ARHGAP42: variants seen among roughly 807,000 people sequenced by gnomAD.
The protein encoded by ARHGAP42 is Rho GTPase activating protein 42, also known as rho GTPase-activating protein 42.
ARHGAP42 carries 63 observed loss-of-function variants against 125.0 expected under a neutral mutation model. That is an observed-to-expected ratio of 0.50 (90% CI 0.41 to 0.62). The LOEUF is 0.62. Ranked by LOEUF, ARHGAP42 falls within the 20% of genes least tolerant of loss-of-function variation. The pLI is 0.00. For synonymous variants in ARHGAP42, 339 were observed against 351.0 expected, an observed-to-expected ratio of 0.97 and a Z score of 0.38; for missense variants, 766 against 1,024.2, an observed-to-expected ratio of 0.75 and a Z score of 3.44.
chr11:100,792,703 A>G (rs1486237228), intron 2 of ARHGAP42, among the ~76,000 whole-genome samples: 1 of 149,194 alleles, frequency 6.7e-6, no homozygotes, highest in Admixed American at 6.7e-5. Flanking sequence ...TGATTGTGTT[A>G]TTTGTATAAT....
chr11:100,885,906 G>A (rs1866081918), intron 4 of ARHGAP42, among the ~76,000 whole-genome samples: 1 of 152,148 alleles, frequency 6.6e-6, no homozygotes, highest in Non-Finnish European at 1.5e-5. Context: ...AGAACTAAGT[G>A]CTGTGGGAAA....
At chr11:100,903,064 C>G (rs985142466) in intron 4 of ARHGAP42, among the ~76,000 whole-genome samples, 1 of 147,372 alleles carries the variant, frequency 6.8e-6, no homozygotes, top group Non-Finnish European at 1.5e-5. Context: ...TTGTATTTAC[C>G]TTCCTTCCTT....
At chr11:100,807,940 G>A (rs533523689) in intron 3 of ARHGAP42, among the ~76,000 whole-genome samples, 4 of 152,264 alleles carry the variant, frequency 2.6e-5, no homozygotes, top group African/African-American at 9.6e-5. Context: ...ATGTTTTGAT[G>A]TTCTTCTTTG....
chr11:100,866,694 T>C (rs117561762), intron 4 of ARHGAP42, among the ~76,000 whole-genome samples: 5,047 of 152,192 alleles, frequency 0.033, 127 homozygotes, highest in Non-Finnish European at 0.05. Context: ...CCAGATCCCA[T>C]GAGAGCTCAC....
intron 3 of ARHGAP42, among the ~76,000 whole-genome samples, chr11:100,842,958 A>T (rs926721849): frequency 6.6e-6 from 1 of 152,154 alleles, no homozygotes; most frequent in Non-Finnish European, 1.5e-5. Context: ...AGAAGAAAAT[A>T]ACCAAGATCA....
intron 22 of ARHGAP42, 57 bp downstream of exon 22, chr11:100,979,106 G>A: frequency 6.7e-7 from 1 of 1,496,922 alleles, no homozygotes; most frequent in Non-Finnish European, 9.1e-7. Context: ...TTGTTGCTTT[G>A]TATTGACATG....
intron 3 of ARHGAP42, among the ~76,000 whole-genome samples, chr11:100,806,742 T>C (rs1463141681): frequency 6.6e-6 from 1 of 152,230 alleles, no homozygotes; most frequent in African/African-American, 2.4e-5. Flanking sequence ...GTAGATCATA[T>C]ACAGTTTATC....
At chr11:100,967,528 GT>G (rs1242986717) in intron 17 of ARHGAP42, among the ~76,000 whole-genome samples, 1 of 152,126 alleles carries the variant, frequency 6.6e-6, no homozygotes, top group East Asian at 1.9e-4. Flanking sequence ...GCCAATCGAT[GT>G]TTTTAATTCA....
intron 4 of ARHGAP42, among the ~76,000 whole-genome samples, chr11:100,882,956 A>C (rs1002867729): frequency 6.6e-6 from 1 of 152,168 alleles, no homozygotes; most frequent in East Asian, 1.9e-4. Context: ...AATAGCTCCC[A>C]TTTCATTTCT....
At chr11:100,707,724 T>C (rs1233159381) in intron 1 of ARHGAP42, among the ~76,000 whole-genome samples, 1 of 152,220 alleles carries the variant, frequency 6.6e-6, no homozygotes, top group East Asian at 1.9e-4. Flanking sequence ...GTGTGTCAGG[T>C]ACTGCTCTAG....
At chr11:100,915,886 C>G (rs2135235396) in intron 5 of ARHGAP42, among the ~76,000 whole-genome samples, 1 of 152,214 alleles carries the variant, frequency 6.6e-6, no homozygotes, top group Non-Finnish European at 1.5e-5. Context: ...AGGAATCAGA[C>G]CTGTTGTAGG....
At chr11:100,786,101 G>C (rs1422361189) in intron 2 of ARHGAP42, among the ~76,000 whole-genome samples, 1 of 152,116 alleles carries the variant, frequency 6.6e-6, no homozygotes, top group African/African-American at 2.4e-5. Flanking sequence ...ACTGCCTCTT[G>C]GTAGAGGAGC....
At chr11:100,690,536 A>G (rs1861170060) in intron 1 of ARHGAP42, among the ~76,000 whole-genome samples, 1 of 152,184 alleles carries the variant, frequency 6.6e-6, no homozygotes, top group Non-Finnish European at 1.5e-5. Context: ...GATAATTTCA[A>G]TTTTAAATAA....
At chr11:100,898,021 A>C (rs1366921476) in intron 4 of ARHGAP42, among the ~76,000 whole-genome samples, 2 of 152,162 alleles carry the variant, frequency 1.3e-5, no homozygotes, top group Non-Finnish European at 2.9e-5. Flanking sequence ...TCCCATCAAT[A>C]CCTAGTTTAT....
Position 100,992,769 on chromosome 11 carries a change from T to C in ARHGAP42, c.*3968T>C. 1.4e-6 allele frequency: 2 copies of C among 1,472,760 alleles called. No individual in the cohort carries two copies. The highest frequency in any genetic ancestry group is 4.6e-5 in the Admixed American group (2 of 43,666). The allele number at this position is 1,472,760 out of a possible 1,614,324, so 91.2% of individuals were successfully genotyped here. On this transcript the variant is annotated 3_prime_UTR_variant, in exon 24 of 24. Coordinates refer to ENST00000298815, the MANE Select transcript of ARHGAP42 (RefSeq NM_152432.4). ...TTTGAGGGCAGCTGCCCTCACTGTT[T>C]TAAATAAAGAATCTTACATAAGAAT...
chr11:100,730,812 T>C (rs1359714798), intron 1 of ARHGAP42, among the ~76,000 whole-genome samples: 1 of 152,210 alleles, frequency 6.6e-6, no homozygotes, highest in Non-Finnish European at 1.5e-5. Flanking sequence ...GGCTATATGA[T>C]AAAGCCCATT....
chr11:100,721,836 C>T (rs1273929748), intron 1 of ARHGAP42, among the ~76,000 whole-genome samples: 2 of 152,074 alleles, frequency 1.3e-5, no homozygotes, highest in African/African-American at 2.4e-5. Context: ...GTTTGCTTAT[C>T]CATTCACTTA....
chr11:100,744,971 A>T (rs1012297965), intron 1 of ARHGAP42, among the ~76,000 whole-genome samples: 1 of 152,022 alleles, frequency 6.6e-6, no homozygotes, highest in South Asian at 2.1e-4. Flanking sequence ...TCGTTCCCCT[A>T]TTGGCTAAGG....
intron 17 of ARHGAP42, among the ~76,000 whole-genome samples, chr11:100,971,252 G>A (rs1310797219): frequency 6.6e-6 from 1 of 151,912 alleles, no homozygotes; most frequent in Admixed American, 6.6e-5. Context: ...TATCCTTTAT[G>A]ATTTTTTCTC....
Sources: allele counts gnomAD v4.1 joint callset (sites outside exome capture counted in the v4.1 genomes callset), GRCh38; gene constraint gnomAD v4.1.1; transcripts MANE v1.5; gene names NCBI Gene and HGNC (gene_info 2026-07-23, HGNC 2026-07-21).